Variants in PRIM2 observed in about 807,000 individuals in gnomAD.
PRIM2 encodes DNA primase subunit 2.
In PRIM2, 39 loss-of-function variants were observed where a neutral mutation model predicts 67.3. That is an observed-to-expected ratio of 0.58 (90% CI 0.45 to 0.76). The LOEUF (loss-of-function observed/expected upper bound fraction) is 0.76, where lower values mean the gene tolerates loss of function less well. Among genes scored for constraint, PRIM2 ranks in the 30% least tolerant of loss-of-function variants. The pLI is 0.00. For synonymous variants in PRIM2, 143 were observed against 198.7 expected (o/e 0.72, Z 2.36); for missense variants, 398 against 598.7 (o/e 0.66, Z 3.50).
Position 57,602,573 on chromosome 6 carries a change from C to A in PRIM2, c.1147+1354C>A, listed in dbSNP as rs1344646680. ...TTTTTAGCCTAGCAGCCATACCAGG[C>A]AGTCAACTTATGATTAAGCTTGTGG... On this transcript the variant is annotated intron_variant, in intron 11 of 13. Transcript: ENST00000615550. Among the ~76,000 whole-genome samples, 3 of 152,182 alleles carry A rather than the reference C, an allele frequency of 2.0e-5. No individual in the cohort carries two copies. In the East Asian group the frequency reaches 5.8e-4, roughly 29 times the overall value.
chr6:57,605,539 T>C (rs1776545164), intron 11 of PRIM2, among the ~76,000 whole-genome samples: 1 of 152,186 alleles, frequency 6.6e-6, no homozygotes, highest in African/African-American at 2.4e-5. Flanking sequence ...TCATTTCCTC[T>C]AGATTTTCTA....
the PRIM2 span, among the ~76,000 whole-genome samples, chr6:57,275,458 C>T: frequency 3.3e-5 from 5 of 152,150 alleles, no homozygotes; most frequent in African/African-American, 9.7e-5. Flanking sequence ...CATTGCACTC[C>T]AGCCTGGGCA....
At chr6:57,289,165 C>T in the PRIM2 span, among the ~76,000 whole-genome samples, 1 of 152,106 alleles carries the variant, frequency 6.6e-6, no homozygotes, top group African/African-American at 2.4e-5. Context: ...CATGCACAAG[C>T]TTCAATAGCT....
chr6:57,221,648 G>C, the PRIM2 span: 1 of 152,520 alleles, frequency 6.6e-6, no homozygotes, highest in Non-Finnish European at 1.5e-5. Context: ...AAAGCCGAAC[G>C]TTCGGCCAGA....
At chr6:57,324,746 A>G (rs1013046559) in intron 4 of PRIM2, among the ~76,000 whole-genome samples, 4 of 152,184 alleles carry the variant, frequency 2.6e-5, no homozygotes, top group African/African-American at 4.8e-5. Context: ...CAGAGGTAGT[A>G]AAGTTAGTTG....
chr6:57,244,633 T>C, the PRIM2 span, among the ~76,000 whole-genome samples: 1 of 151,948 alleles, frequency 6.6e-6, no homozygotes, highest in Admixed American at 6.6e-5. Flanking sequence ...TGGTGGCGCA[T>C]GCCTGTAATC....
chr6:57,288,748 T>C, the PRIM2 span, among the ~76,000 whole-genome samples: 4 of 151,952 alleles, frequency 2.6e-5, no homozygotes, highest in Non-Finnish European at 5.9e-5. Flanking sequence ...CAGAAAGAAA[T>C]AGCATCAACA....
chr6:57,545,952 AT>A (rs1291552822), intron 10 of PRIM2, among the ~76,000 whole-genome samples: 5 of 152,216 alleles, frequency 3.3e-5, no homozygotes, highest in Non-Finnish European at 5.9e-5. Flanking sequence ...TTTTAGCCTA[AT>A]TACTAAAGAT....
chr6:57,347,391 A>T (rs1581814520), intron 5 of PRIM2, among the ~76,000 whole-genome samples: 2 of 152,202 alleles, frequency 1.3e-5, no homozygotes, highest in African/African-American at 4.8e-5. Context: ...AACATTTGTA[A>T]TGTGTTTGTT....
chr6:57,370,263 A>G (rs1769498568), intron 5 of PRIM2, among the ~76,000 whole-genome samples: 2 of 152,182 alleles, frequency 1.3e-5, no homozygotes, highest in Non-Finnish European at 2.9e-5. Context: ...GCAGCAGGTA[A>G]TCTCATTTAG....
At chr6:57,535,082 G>A in intron 9 of PRIM2, among the ~76,000 whole-genome samples, 1 of 152,164 alleles carries the variant, frequency 6.6e-6, no homozygotes, top group Admixed American at 6.5e-5. Flanking sequence ...CCCCAGGGCT[G>A]TACACATAGT....
chr6:57,581,237 G>A (rs1776079634), intron 10 of PRIM2, among the ~76,000 whole-genome samples: 1 of 152,058 alleles, frequency 6.6e-6, no homozygotes, highest in Non-Finnish European at 1.5e-5. Context: ...AACTATCTGG[G>A]ACTAGCAAAT....
At position 57,354,288 on chromosome 6, in the gene PRIM2, A is replaced by G. The variant is rs570363245; in HGVS notation, c.460-25613A>G. On this transcript the variant is annotated intron_variant, in intron 5 of 13. Coordinates refer to ENST00000615550, the MANE Select transcript of PRIM2 (RefSeq NM_000947.5). Reference sequence around the variant, plus strand: ...TGCGATTTGAATCTAGTTTGGGTAAAGTTGACCTGTGGGGAGTTGAATGAG... The same window carrying G: ...TGCGATTTGAATCTAGTTTGGGTAAGGTTGACCTGTGGGGAGTTGAATGAG... 1.7e-4 allele frequency among the ~76,000 whole-genome samples: 26 copies of G among 151,966 alleles called. No individual in the cohort carries two copies. The South Asian group carries it at 4.8e-3, about 28-fold the overall frequency.
At chr6:57,378,380 A>C (rs2127332317) in intron 5 of PRIM2, among the ~76,000 whole-genome samples, 1 of 152,256 alleles carries the variant, frequency 6.6e-6, no homozygotes, top group African/African-American at 2.4e-5. Flanking sequence ...GCTTTTAAAA[A>C]AAAAATCACT....
intron 5 of PRIM2, among the ~76,000 whole-genome samples, chr6:57,368,865 C>T (rs1482767488): frequency 2.0e-5 from 3 of 152,166 alleles, no homozygotes; most frequent in Admixed American, 1.3e-4. Context: ...TGTTCATATT[C>T]TGTGTCTTCA....
At chr6:57,260,361 T>C in the PRIM2 span, among the ~76,000 whole-genome samples, 2 of 152,170 alleles carry the variant, frequency 1.3e-5, no homozygotes, top group Admixed American at 6.5e-5. Context: ...TGTGGGCAAA[T>C]GGAAACTTTG....
chr6:57,424,218 A>G (rs1446665258), intron 7 of PRIM2, among the ~76,000 whole-genome samples: 4 of 152,180 alleles, frequency 2.6e-5, no homozygotes, highest in African/African-American at 9.7e-5. Context: ...AGCTTAACTG[A>G]GAGATCAAGA....
intron 8 of PRIM2, among the ~76,000 whole-genome samples, chr6:57,512,939 G>A (rs1774401453): frequency 6.6e-6 from 1 of 151,976 alleles, no homozygotes; most frequent in African/African-American, 2.4e-5. Flanking sequence ...GAAAAATACT[G>A]CCTTTCCCTC....
At chr6:57,459,063 A>G (rs988854073) in intron 7 of PRIM2, among the ~76,000 whole-genome samples, 1 of 152,244 alleles carries the variant, frequency 6.6e-6, no homozygotes, top group African/African-American at 2.4e-5. Context: ...CTGACTTAAC[A>G]CAATGAGTTT....
Sources: gnomAD v4.1 joint callset for allele counts (sites outside exome capture counted in the v4.1 genomes callset) on GRCh38, gnomAD v4.1.1 for gene constraint, MANE v1.5 for transcripts, NCBI Gene and HGNC (gene_info 2026-07-23, HGNC 2026-07-21) for gene names.